The following GRIK2 variants were observed in gnomAD, a reference collection of about 807,000 sequenced individuals.
GRIK2 encodes glutamate ionotropic receptor kainate type subunit 2, also known as glutamate receptor ionotropic, kainate 2.
In GRIK2, 32 loss-of-function variants were observed where a neutral mutation model predicts 100.3. The ratio of observed to expected loss-of-function variants is 0.32; its 90% CI spans 0.24 to 0.43. The LOEUF (loss-of-function observed/expected upper bound fraction) is 0.43, where lower values mean the gene tolerates loss of function less well. Among genes scored for constraint, GRIK2 ranks in the 20% least tolerant of loss-of-function variants. GRIK2 has a pLI of 1.00. For synonymous variants in GRIK2, 417 were observed against 389.4 expected, an observed-to-expected ratio of 1.07 and a Z score of -0.83; for missense variants, 843 against 1,114.9, an observed-to-expected ratio of 0.76 and a Z score of 3.47.
At position 101,490,649 on chromosome 6, in the gene GRIK2, T is replaced by C. The variant is rs1476612313; in HGVS notation, c.115+91257T>C. On this transcript the variant is annotated intron_variant, in intron 2 of 16. Transcript: ENST00000369134. Reference sequence around the variant, plus strand: ...AGATAAATGTTGATAAAAGGTATCGTTGTCTTGTTGATTTTAATAGTTTTT... The same window carrying C: ...AGATAAATGTTGATAAAAGGTATCGCTGTCTTGTTGATTTTAATAGTTTTT... Among the ~76,000 whole-genome samples, 2 of 146,680 alleles carry C rather than the reference T, an allele frequency of 1.4e-5. 1 individual carries two copies. Among genetic ancestry groups the C allele is most frequent in the Non-Finnish European group, 3.0e-5 (2 of 66,656 alleles).
intron 7 of GRIK2, among the ~76,000 whole-genome samples, chr6:101,762,884 A>G (rs148314577): frequency 6.6e-6 from 1 of 152,272 alleles, no homozygotes; most frequent in East Asian, 1.9e-4. Context: ...TACATTTTGG[A>G]TTTTTAAAAA....
intron 2 of GRIK2, among the ~76,000 whole-genome samples, chr6:101,612,716 ATGTGTGTGTG>A (rs139709674): frequency 0.012 from 1,743 of 143,408 alleles, 39 homozygotes; most frequent in African/African-American, 0.042. Flanking sequence ...GTATGTGTTA[ATGTGTGTGTG>A]TGTGTGTGTG....
chr6:101,639,121 C>A (rs544858031), intron 4 of GRIK2, among the ~76,000 whole-genome samples: 3 of 152,146 alleles, frequency 2.0e-5, no homozygotes, highest in East Asian at 1.9e-4. Flanking sequence ...CTCACTGCAA[C>A]CCCCACCTTC....
At chr6:101,984,432 G>A (rs1240024846) in intron 14 of GRIK2, among the ~76,000 whole-genome samples, 2 of 151,486 alleles carry the variant, frequency 1.3e-5, no homozygotes, top group Non-Finnish European at 3.0e-5. Flanking sequence ...ATCTTTATTA[G>A]CATCCCCGTT....
Position 102,068,543 on chromosome 6 carries a change from G to A in GRIK2, c.*32G>A. The A allele has an allele frequency of 1.3e-6, 2 of 1,595,166 alleles. No individual in the cohort carries two copies. Among genetic ancestry groups the A allele is most frequent in the East Asian group, 2.3e-5 (1 of 44,210 alleles). On this transcript the variant is annotated 3_prime_UTR_variant, in exon 17 of 17. Coordinates refer to ENST00000369134, the MANE Select transcript of GRIK2 (RefSeq NM_021956.5). The stretch of plus-strand genomic sequence containing the variant: ...GAGGCCAAACACCCAAGCACAAACT[G>A]TCGTCTTTTTCCAAACAATTTAGCC...
At chr6:101,417,271 G>T (rs1266952956) in intron 2 of GRIK2, among the ~76,000 whole-genome samples, 1 of 152,146 alleles carries the variant, frequency 6.6e-6, no homozygotes, top group East Asian at 1.9e-4. Flanking sequence ...AACATGTGGG[G>T]ATTAGGGGAG....
intron 11 of GRIK2, among the ~76,000 whole-genome samples, chr6:101,886,553 T>C (rs903250979): frequency 3.9e-5 from 6 of 151,986 alleles, no homozygotes; most frequent in Non-Finnish European, 8.8e-5. Context: ...ATTACAACTT[T>C]TTTGGAATAA....
chr6:101,770,812 A>G (rs892572387), intron 7 of GRIK2, among the ~76,000 whole-genome samples: 1 of 152,158 alleles, frequency 6.6e-6, no homozygotes, highest in Non-Finnish European at 1.5e-5. Context: ...ATTCAGATCC[A>G]TGTATTTTTG....
chr6:101,878,817 C>T (rs917085136), intron 11 of GRIK2, among the ~76,000 whole-genome samples: 2 of 151,994 alleles, frequency 1.3e-5, no homozygotes, highest in African/African-American at 2.4e-5. Context: ...GTGCTGGCTG[C>T]TCTGTCTCTC....
At chr6:101,546,011 A>G (rs530366753) in intron 2 of GRIK2, among the ~76,000 whole-genome samples, 1 of 151,024 alleles carries the variant, frequency 6.6e-6, no homozygotes, top group South Asian at 2.1e-4. Flanking sequence ...TGCCCCATTC[A>G]TCTCTTCCAT....
chr6:101,941,206 T>A (rs896704346), intron 14 of GRIK2, among the ~76,000 whole-genome samples: 2 of 152,058 alleles, frequency 1.3e-5, no homozygotes, highest in Non-Finnish European at 2.9e-5. Context: ...ATAATTAAAT[T>A]ATTTTTCTAG....
At chr6:101,895,810 C>T (rs1164267815) in intron 12 of GRIK2, among the ~76,000 whole-genome samples, 2 of 151,396 alleles carry the variant, frequency 1.3e-5, no homozygotes, top group Non-Finnish European at 3.0e-5. Flanking sequence ...GCAGAAAAGC[C>T]TATTTATTAT....
chr6:101,753,849 A>G (rs1054680430), intron 7 of GRIK2, among the ~76,000 whole-genome samples: 1 of 151,980 alleles, frequency 6.6e-6, no homozygotes, highest in Non-Finnish European at 1.5e-5. Context: ...AATCAATTGA[A>G]ATACAGTCTT....
intron 11 of GRIK2, among the ~76,000 whole-genome samples, chr6:101,871,461 G>A (rs1404841271): frequency 6.6e-6 from 1 of 151,008 alleles, no homozygotes; most frequent in Non-Finnish European, 1.5e-5. Flanking sequence ...GAAGTTTGGA[G>A]TGTGCATGAT....
chr6:101,411,042 A>C (rs1029438887), intron 2 of GRIK2, among the ~76,000 whole-genome samples: 5 of 152,110 alleles, frequency 3.3e-5, no homozygotes, highest in Middle Eastern at 3.4e-3. Context: ...ATATATGAAG[A>C]ATATTTTTGA....
intron 14 of GRIK2, among the ~76,000 whole-genome samples, chr6:101,949,053 A>G (rs1211428610): frequency 6.6e-6 from 1 of 152,174 alleles, no homozygotes; most frequent in Non-Finnish European, 1.5e-5. Context: ...TCAAATATAC[A>G]CACCCATTGA....
chr6:101,474,862 T>G (rs1582530566), intron 2 of GRIK2, among the ~76,000 whole-genome samples: 1 of 142,024 alleles, frequency 7.0e-6, no homozygotes, highest in East Asian at 2.2e-4. Flanking sequence ...CACATAATAA[T>G]ACTGTTAATC....
chr6:102,068,023 G>T (rs1489428720), intron 16 of GRIK2, among the ~76,000 whole-genome samples: 1 of 151,762 alleles, frequency 6.6e-6, no homozygotes, highest in Non-Finnish European at 1.5e-5. Flanking sequence ...TTTTAAAGTA[G>T]ATGTCTATGT....
chr6:101,671,242 A>C (rs1770408629), intron 4 of GRIK2, among the ~76,000 whole-genome samples: 1 of 152,208 alleles, frequency 6.6e-6, no homozygotes, highest in African/African-American at 2.4e-5. Flanking sequence ...TAACTCTAAA[A>C]GTATTTGAAA....
Sources: allele counts gnomAD v4.1 joint callset (sites outside exome capture counted in the v4.1 genomes callset), GRCh38; gene constraint gnomAD v4.1.1; transcripts MANE v1.5; gene names NCBI Gene and HGNC (gene_info 2026-07-23, HGNC 2026-07-21).